DLG1: variants seen among roughly 807,000 people sequenced by gnomAD.
DLG1 encodes discs large MAGUK scaffold protein 1.
DLG1 carries 42 observed loss-of-function variants against 123.4 expected under a neutral mutation model. That is an observed-to-expected ratio of 0.34 (90% CI 0.27 to 0.44). The LOEUF (loss-of-function observed/expected upper bound fraction) is 0.44, where lower values mean the gene tolerates loss of function less well. DLG1 is among the 20% of genes least tolerant of loss of function. The pLI is 1.00. For synonymous variants in DLG1, 317 were observed against 356.2 expected (o/e 0.89, Z 1.24); for missense variants, 942 against 1,082.6 (o/e 0.87, Z 1.82).
At chr3:197,273,867 C>CAAAAAAAAAAAAAAAA (rs1373412270) in intron 4 of DLG1, among the ~76,000 whole-genome samples, 10 of 43,550 alleles carry the variant, frequency 2.3e-4, no homozygotes, top group African/African-American at 6.3e-4. Context: ...AAAAAAAAAC[C>CAAAAAAAAAAAAAAAA]AAAACAAACC....
At chr3:197,202,788 A>T (rs1247745444) in intron 4 of DLG1, among the ~76,000 whole-genome samples, 1 of 152,234 alleles carries the variant, frequency 6.6e-6, no homozygotes, top group African/African-American at 2.4e-5. Context: ...AGATGTGAGC[A>T]TTATTTCTGA....
intron 17 of DLG1, chr3:197,078,511 T>TA (rs1200479784): frequency 1.3e-5 from 2 of 152,136 alleles, no homozygotes; most frequent in African/African-American, 4.8e-5. Flanking sequence ...ATTTCAATCT[T>TA]AAAGTTTGAA....
chr3:197,140,100 A>C (rs1787237373), intron 8 of DLG1, 40 bp downstream of exon 8: 20 of 1,594,748 alleles, frequency 1.3e-5, no homozygotes, highest in South Asian at 1.1e-4. Flanking sequence ...AAAAATACAC[A>C]AAGTGGATTC....
intron 4 of DLG1, among the ~76,000 whole-genome samples, chr3:197,275,005 A>G (rs1560112490): frequency 6.6e-6 from 1 of 152,136 alleles, no homozygotes; most frequent in Non-Finnish European, 1.5e-5. Context: ...CAGCATAGTG[A>G]AACCCTGTGT....
At chr3:197,158,634 CAAAA>C (rs71623339) in intron 5 of DLG1, among the ~76,000 whole-genome samples, 888 of 67,472 alleles carry the variant, frequency 0.013, 28 homozygotes, top group African/African-American at 0.045. Context: ...AACTCCATTT[CAAAA>C]AAAAAAAAAA....
intron 23 of DLG1, among the ~76,000 whole-genome samples, chr3:197,058,612 A>C (rs1358908872): frequency 1.3e-5 from 2 of 152,216 alleles, no homozygotes; most frequent in Admixed American, 6.5e-5. Flanking sequence ...TGAAATTTGT[A>C]ATCTAGCAAA....
At chr3:197,193,104 G>C (rs1720546224) in intron 5 of DLG1, among the ~76,000 whole-genome samples, 4 of 151,182 alleles carry the variant, frequency 2.6e-5, no homozygotes. Context: ...CAAAATCCAG[G>C]TAAATTTTAC....
Position 197,138,337 on chromosome 3 carries a change from A to C in DLG1, c.768T>G (p.His256Gln). ...VNEVDVRDVT[H>Q]SKAVEALKEA... Reference sequence around the variant, plus strand: ...CTTTCAACGCTTCAACTGCTTTGCTATGTGTTACATCACGAACATCTACTT... The same window carrying C: ...CTTTCAACGCTTCAACTGCTTTGCTCTGTGTTACATCACGAACATCTACTT... Residue 256 changes from histidine (H) to glutamine (Q), a missense_variant, in exon 9 of 25, where the codon CAT (histidine) becomes CAG (glutamine). Coordinates refer to ENST00000667157, the MANE Select transcript of DLG1 (RefSeq NM_001366207.1). 6.3e-7 allele frequency: 1 copy of C among 1,588,276 alleles called. No homozygotes were observed.
At chr3:197,298,747 G>A (rs905922304), upstream of DLG1, 1 of 396,802 alleles carries the variant, frequency 2.5e-6, no homozygotes, top group Non-Finnish European at 4.4e-6. Context: ...TTCCACTCCA[G>A]GCTGATTGTT....
chr3:197,257,808 A>G (rs887481153), intron 4 of DLG1, among the ~76,000 whole-genome samples: 1 of 152,186 alleles, frequency 6.6e-6, no homozygotes, highest in African/African-American at 2.4e-5. Context: ...ATATATAACA[A>G]TAATCCTAAA....
At chr3:197,250,671 C>A (rs551911408) in intron 4 of DLG1, among the ~76,000 whole-genome samples, 1 of 151,382 alleles carries the variant, frequency 6.6e-6, no homozygotes, top group East Asian at 1.9e-4. Context: ...TCAATTGAAC[C>A]AAAGAAGTTA....
intron 1 of DLG1, chr3:197,297,712 G>T (rs1351143444): frequency 3.0e-6 from 3 of 987,356 alleles, no homozygotes; most frequent in Non-Finnish European, 3.6e-6. Context: ...CTCCAGCGGG[G>T]GCCGGACAGG....
intron 14 of DLG1, among the ~76,000 whole-genome samples, chr3:197,093,716 C>A (rs1759067428): frequency 1.3e-5 from 2 of 152,132 alleles, no homozygotes; most frequent in Admixed American, 6.5e-5. Context: ...TTTGATATAA[C>A]TGAAATTGTT....
intron 14 of DLG1, among the ~76,000 whole-genome samples, chr3:197,100,151 C>T (rs1762694445): frequency 6.6e-6 from 1 of 152,214 alleles, no homozygotes; most frequent in African/African-American, 2.4e-5. Context: ...CTATCTACTA[C>T]TGAAAATGAT....
intron 6 of DLG1, among the ~76,000 whole-genome samples, chr3:197,146,631 C>T (rs552421108): frequency 1.3e-5 from 2 of 152,258 alleles, no homozygotes; most frequent in South Asian, 4.1e-4. Context: ...CATCTCTCAC[C>T]TTATAAAAAC....
chr3:197,084,546 G>C (rs1280740870), intron 16 of DLG1, among the ~76,000 whole-genome samples: 1 of 151,534 alleles, frequency 6.6e-6, no homozygotes, highest in Non-Finnish European at 1.5e-5. Flanking sequence ...TCCTGACCTC[G>C]TGATCCGCCC....
chr3:197,085,573 G>C lies in DLG1; in HGVS notation c.1838+7C>G. 6.2e-7 allele frequency: 1 copy of C among 1,613,528 alleles called. No homozygotes were observed. The highest frequency in any genetic ancestry group is 8.5e-7 in the Non-Finnish European group (1 of 1,179,736). On this transcript the variant is annotated splice_region_variant and intron_variant, in intron 16 of 24. Coordinates refer to ENST00000667157, the MANE Select transcript of DLG1 (RefSeq NM_001366207.1). ...CCTCACATTCAAGTGGTAAGAAACA[G>C]GCATACCTGCGTTTACTGGGAATCA... is the stretch of plus-strand genomic sequence containing the variant.
intron 18 of DLG1, among the ~76,000 whole-genome samples, chr3:197,071,319 G>A (rs1049581935): frequency 2.0e-4 from 31 of 151,544 alleles, no homozygotes; most frequent in African/African-American, 7.5e-4. Context: ...TACCTGCAGG[G>A]TTTATTTTTA....
At chr3:197,238,728 C>A (rs1747318581) in intron 4 of DLG1, among the ~76,000 whole-genome samples, 2 of 152,100 alleles carry the variant, frequency 1.3e-5, no homozygotes, top group South Asian at 4.1e-4. Flanking sequence ...CACTCTTACA[C>A]AAGCAATGAA....
Sources: allele counts gnomAD v4.1 joint callset (sites outside exome capture counted in the v4.1 genomes callset), GRCh38; gene constraint gnomAD v4.1.1; transcripts MANE v1.5; gene names NCBI Gene and HGNC (gene_info 2026-07-23, HGNC 2026-07-21).